The following ZSCAN30 variants were observed in gnomAD, a reference collection of about 807,000 sequenced individuals.
The protein encoded by ZSCAN30 is zinc finger and SCAN domain-containing protein 30.
Under a neutral mutation model 44.3 loss-of-function variants are expected in ZSCAN30, and 37 were observed. The ratio of observed to expected loss-of-function variants is 0.84; its 90% CI spans 0.64 to 1.10. ZSCAN30 has a LOEUF of 1.10. Among genes scored for constraint, ZSCAN30 ranks in the 50% least tolerant of loss-of-function variants. ZSCAN30 has a pLI of 0.00. For missense variants in ZSCAN30, 549 were observed against 582.6 expected, an observed-to-expected ratio of 0.94 and a Z score of 0.59; for synonymous variants, 181 against 204.6, an observed-to-expected ratio of 0.88 and a Z score of 0.98.
At chr18:35,268,546 A>G (rs1295087188) in intron 1 of ZSCAN30, 1 of 152,226 alleles carries the variant, frequency 6.6e-6, no homozygotes, top group Non-Finnish European at 1.5e-5. Context: ...GGGAGCGCCC[A>G]GATGGTTCAA....
chr18:35,265,241 CAA>C (rs964629866), intron 1 of ZSCAN30, among the ~76,000 whole-genome samples: 2 of 152,090 alleles, frequency 1.3e-5, no homozygotes, highest in Non-Finnish European at 2.9e-5. Context: ...GCTCTGCAAC[CAA>C]AGTCTTTAGC....
chr18:35,263,124 C>G, intron 3 of ZSCAN30: 1 of 361,206 alleles, frequency 2.8e-6, no homozygotes, highest in Non-Finnish European at 5.3e-6. Flanking sequence ...AACTGTAGTC[C>G]TAGCTACTCT....
In ZSCAN30 at chr18:35,264,292, C is replaced by T; in HGVS notation, c.61G>A (p.Val21Ile). Reference sequence around the variant, plus strand: ...TAATTTTCTTCTTCAACCTTGACAACTAGAAGTCCTTCCTGTTCTTCTGGA... The same window carrying T: ...TAATTTTCTTCTTCAACCTTGACAATTAGAAGTCCTTCCTGTTCTTCTGGA... ...HAPEEQEGLL[V>I]VKVEEENYVL... Residue 21 changes from valine to isoleucine, a missense_variant, in exon 2 of 4, where the codon GTT becomes ATT. Coordinates refer to ENST00000333206, the MANE Select transcript of ZSCAN30 (RefSeq NM_001112734.4). The T allele has an allele frequency of 1.2e-6, 2 of 1,614,158 alleles. No homozygotes were observed. The highest frequency in any genetic ancestry group is 1.3e-5 in the African/African-American group (1 of 75,054).
intron 3 of ZSCAN30, chr18:35,254,647 C>G: frequency 1.8e-6 from 1 of 543,576 alleles, no homozygotes; most frequent in South Asian, 2.3e-5. Flanking sequence ...GGAATGGTGA[C>G]AAACAGGAAT....
chr18:35,264,974 A>G (rs192507043), intron 1 of ZSCAN30, among the ~76,000 whole-genome samples: 2 of 151,852 alleles, frequency 1.3e-5, no homozygotes, highest in Non-Finnish European at 2.9e-5. Context: ...GTGAAACCCC[A>G]TCTCTACTAA....
chr18:35,280,151 C>T (rs9947348), intron 1 of ZSCAN30, among the ~76,000 whole-genome samples: 75 of 151,982 alleles, frequency 4.9e-4, no homozygotes, highest in African/African-American at 1.7e-3. Flanking sequence ...TGGCATGCGC[C>T]TATATTCCCA....
chr18:35,266,816 G>C (rs1406830219), intron 1 of ZSCAN30: 1 of 151,620 alleles, frequency 6.6e-6, no homozygotes. Flanking sequence ...ACAGGCGCCC[G>C]CCACTGCGCC....
At chr18:35,277,478 T>G (rs890220919) in intron 1 of ZSCAN30, among the ~76,000 whole-genome samples, 12 of 152,194 alleles carry the variant, frequency 7.9e-5, no homozygotes, top group African/African-American at 2.9e-4. Flanking sequence ...TGGGGACAGC[T>G]ACCTCCATGC....
chr18:35,267,444 C>CCGGGACCGCCCTG (rs1305962386), intron 1 of ZSCAN30: 4 of 151,990 alleles, frequency 2.6e-5, no homozygotes, highest in Non-Finnish European at 5.9e-5. Context: ...TGGGAAGCAC[C>CCGGGACCGCCCTG]CGGGACCGCC....
Position 35,252,133 on chromosome 18 carries a change from A to C in ZSCAN30, c.*1317T>G, listed in dbSNP as rs1203493274. The C allele has an allele frequency of 6.6e-6, 1 of 152,176 alleles. No individual in the cohort carries two copies. Among genetic ancestry groups the C allele is most frequent in the Non-Finnish European group, 1.5e-5 (1 of 68,052 alleles). The allele number at this position is 152,176 out of a possible 1,614,324, so 9.4% of individuals were successfully genotyped here. ...TCATAAAGCCTGGCTCAGAATCCCC[A>C]TGTGTTGCTTTTCCTCTTCCTACTT... On this transcript the variant is annotated 3_prime_UTR_variant, in exon 4 of 4. Transcript: ENST00000333206.
At chr18:35,266,281 T>C (rs935484601) in intron 1 of ZSCAN30, among the ~76,000 whole-genome samples, 1 of 152,074 alleles carries the variant, frequency 6.6e-6, no homozygotes, top group African/African-American at 2.4e-5. Flanking sequence ...TTGATCCCCA[T>C]GGCCACAGTG....
chr18:35,261,659 T>C (rs973185118), intron 3 of ZSCAN30: 3 of 151,980 alleles, frequency 2.0e-5, no homozygotes, highest in African/African-American at 4.8e-5. Context: ...GGTTGTCTTA[T>C]TGTTGTTCAG....
intron 3 of ZSCAN30, chr18:35,263,242 TAAAAAA>T: frequency 3.6e-6 from 1 of 277,412 alleles, no homozygotes; most frequent in Admixed American, 5.5e-5. Flanking sequence ...AGACCCCATC[TAAAAAA>T]AAAAAAAAGA....
chr18:35,273,355 T>C (rs2044317135), intron 1 of ZSCAN30, among the ~76,000 whole-genome samples: 1 of 152,196 alleles, frequency 6.6e-6, no homozygotes, highest in African/African-American at 2.4e-5. Context: ...TTTATCCATG[T>C]TGTAGTATAT....
intron 1 of ZSCAN30, among the ~76,000 whole-genome samples, chr18:35,277,386 C>A (rs1326605269): frequency 6.6e-6 from 1 of 151,974 alleles, no homozygotes. Flanking sequence ...TGGCTGCGTC[C>A]CCACCCAAAT....
chr18:35,259,464 G>C (rs2043961138), intron 3 of ZSCAN30, among the ~76,000 whole-genome samples: 2 of 152,206 alleles, frequency 1.3e-5, no homozygotes, highest in South Asian at 4.1e-4. Flanking sequence ...ACAGGCATAA[G>C]CCACTGCACC....
chr18:35,280,915 A>C (rs1172951664), intron 1 of ZSCAN30: 1 of 152,240 alleles, frequency 6.6e-6, no homozygotes, highest in Admixed American at 6.5e-5. Context: ...TCCTTGTGAA[A>C]ATTGTTTACA....
At chr18:35,259,905 T>G (rs1214463133) in intron 3 of ZSCAN30, among the ~76,000 whole-genome samples, 1 of 152,250 alleles carries the variant, frequency 6.6e-6, no homozygotes. Context: ...GTGCAGGACA[T>G]GCAGGTTTGT....
At position 35,264,401 on chromosome 18, in the gene ZSCAN30, G is replaced by T; in HGVS notation, c.-49C>A. 6.4e-7 allele frequency: 1 copy of T among 1,566,596 alleles called. No homozygotes were observed. Among genetic ancestry groups the T allele is most frequent in the South Asian group, 1.2e-5 (1 of 83,726 alleles). On this transcript the variant is annotated 5_prime_UTR_variant, in exon 2 of 4. Transcript: ENST00000333206. ...GGCTGCCCAGGTGAGGCAGGGAGGA[G>T]ATGGAGATTTGCGTCTGAGAGATTC...
Sources: gnomAD v4.1 joint callset for allele counts (sites outside exome capture counted in the v4.1 genomes callset) on GRCh38, gnomAD v4.1.1 for gene constraint, MANE v1.5 for transcripts, NCBI Gene and HGNC (gene_info 2026-07-23, HGNC 2026-07-21) for gene names.